Variants in NOS1 observed in about 807,000 individuals in gnomAD.
NOS1 encodes nitric oxide synthase 1.
A neutral mutation model predicts 164.5 loss-of-function variants in NOS1; 51 were observed. That is an observed-to-expected ratio of 0.31 (90% CI 0.25 to 0.39). The LOEUF (loss-of-function observed/expected upper bound fraction) is 0.39. Among genes scored for constraint, NOS1 ranks in the 10% least tolerant of loss-of-function variants. The pLI, the probability that NOS1 is intolerant of heterozygous loss-of-function variation, is 1.00. For missense variants in NOS1, 1,362 were observed against 1,885.6 expected (o/e 0.72, Z 5.14); for synonymous variants, 719 against 745.8 (o/e 0.96, Z 0.59).
intron 17 of NOS1, among the ~76,000 whole-genome samples, chr12:117,250,423 G>A (rs1871006463): frequency 6.6e-6 from 1 of 150,766 alleles, no homozygotes; most frequent in Non-Finnish European, 1.5e-5. Context: ...CTGCCTCCCA[G>A]GTTCAAGTAA....
intron 25 of NOS1, 139 bp from the exon 26 acceptor site, chr12:117,223,002 TATGC>T: frequency 1.1e-6 from 1 of 925,170 alleles, no homozygotes; most frequent in Non-Finnish European, 1.7e-6. Flanking sequence ...CAGGCAGATG[TATGC>T]GTGCACACAC....
In NOS1 at chr12:117,224,989, C is replaced by T. The variant is rs750151988; in HGVS notation, c.3826+27G>A. 2.2e-5 allele frequency: 36 copies of T among 1,613,890 alleles called. 1 individual carries two copies. In the South Asian group the frequency reaches 3.3e-4, roughly 15 times the overall value. ...ACCTCCCCAGGTCCGGGGGTGGGAA[C>T]CAAGTGGCCACTGGACTGTAACCCA... On this transcript the variant is annotated intron_variant, in intron 25 of 28. Coordinates refer to ENST00000317775, the MANE Select transcript of NOS1 (RefSeq NM_000620.5).
At chr12:117,308,771 A>G (rs1874283505) in intron 3 of NOS1, among the ~76,000 whole-genome samples, 1 of 151,678 alleles carries the variant, frequency 6.6e-6, no homozygotes, top group South Asian at 2.1e-4. Flanking sequence ...TAATTTTTGT[A>G]TTTTTAGTAG....
chr12:117,286,340 T>C, intron 5 of NOS1, 74 bp from the exon 6 acceptor site: 1 of 1,515,950 alleles, frequency 6.6e-7, no homozygotes, highest in Middle Eastern at 1.8e-4. Flanking sequence ...GGGAGAGCTA[T>C]TCCAAGAGGC....
chr12:117,286,230 C>T lies in NOS1; in HGVS notation c.1164G>A (p.Glu388=), dbSNP rs1450348004. 12 of 1,614,064 alleles carry T rather than the reference C, an allele frequency of 7.4e-6. No homozygotes were observed. Among genetic ancestry groups the T allele is most frequent in the African/African-American group, 1.3e-5 (1 of 74,926 alleles). The change falls in exon 6 of 29, where the codon GAG becomes GAA. Residue 388 remains glutamate, a synonymous_variant. Coordinates refer to ENST00000317775, the MANE Select transcript of NOS1 (RefSeq NM_000620.5). The part of the protein sequence containing the change: ...GSKAHMERLE[E]VNKEIDTTST... ...TAGTGGTGTCGATCTCTTTGTTCAC[C>T]TCTTCCAGCCTTTCCATGTGGGCTT...
intron 1 of NOS1, among the ~76,000 whole-genome samples, chr12:117,336,442 G>T (rs1200133875): frequency 1.3e-5 from 2 of 152,196 alleles, no homozygotes; most frequent in Non-Finnish European, 2.9e-5. Context: ...GTCCAATATG[G>T]CAGCCGCTTG....
intron 16 of NOS1, among the ~76,000 whole-genome samples, chr12:117,256,284 G>GTTGTGTTTTTTTTTTTTTT (rs549611283): frequency 1.0e-4 from 12 of 118,448 alleles, no homozygotes; most frequent in African/African-American, 3.8e-4. Context: ...GGGATTTTCT[G>GTTGTGTTTTTTTTTTTTTT]TTTTTTTTTT....
intron 3 of NOS1, among the ~76,000 whole-genome samples, chr12:117,303,618 G>A (rs952435487): frequency 1.4e-4 from 22 of 152,144 alleles, no homozygotes; most frequent in African/African-American, 9.7e-5. Flanking sequence ...GTCCCCACTC[G>A]AACCTCGTAC....
chr12:117,288,678 C>T (rs544872827), intron 4 of NOS1, among the ~76,000 whole-genome samples: 91 of 152,250 alleles, frequency 6.0e-4, no homozygotes, highest in African/African-American at 2.2e-3. Flanking sequence ...GGAACCTATC[C>T]CTTAACCCCT....
At chr12:117,296,006 T>C (rs911533170) in intron 3 of NOS1, among the ~76,000 whole-genome samples, 7 of 152,074 alleles carry the variant, frequency 4.6e-5, no homozygotes, top group African/African-American at 1.2e-4. Flanking sequence ...GTTTTCCCCA[T>C]AGCACTTAAC....
intron 3 of NOS1, among the ~76,000 whole-genome samples, chr12:117,293,648 A>G (rs1873207330): frequency 6.6e-6 from 1 of 151,578 alleles, no homozygotes; most frequent in South Asian, 2.1e-4. Context: ...TACTTGTATT[A>G]CTTGTATATT....
chr12:117,271,116 G>A (rs969285603), intron 10 of NOS1, among the ~76,000 whole-genome samples: 4 of 152,036 alleles, frequency 2.6e-5, no homozygotes, highest in Non-Finnish European at 4.4e-5. Flanking sequence ...AGAATCTCCT[G>A]GGGAACTTTG....
chr12:117,332,462 C>T (rs945954805), intron 1 of NOS1, among the ~76,000 whole-genome samples: 3 of 152,102 alleles, frequency 2.0e-5, no homozygotes, highest in African/African-American at 7.2e-5. Context: ...TATGGTGGCT[C>T]ACACCTGTAA....
intron 20 of NOS1, among the ~76,000 whole-genome samples, chr12:117,239,252 A>G (rs1869972933): frequency 6.6e-6 from 1 of 152,224 alleles, no homozygotes; most frequent in Non-Finnish European, 1.5e-5. Flanking sequence ...ATTCTCCCAG[A>G]CATCCCGGTG....
At position 117,356,499 on chromosome 12, in the gene NOS1, G is replaced by A. The variant is rs546273395; in HGVS notation, c.-421+5013C>T. 1.3e-5 allele frequency among the ~76,000 whole-genome samples: 2 copies of A among 152,328 alleles called. No individual in the cohort carries two copies. The highest frequency in any genetic ancestry group is 4.1e-4 in the South Asian group (2 of 4,830). On this transcript the variant is annotated intron_variant, in intron 1 of 28. Coordinates refer to ENST00000317775, the MANE Select transcript of NOS1 (RefSeq NM_000620.5). The surrounding 1 kb of genome is among the most constrained non-coding windows in gnomAD (Gnocchi z 4.2). ...TTGCAGAAACTTCACGCCAGGTACA[G>A]GGTTTGTCTGGTGCTCACCGCTTAG...
At chr12:117,254,943 T>G (rs1290195026) in intron 16 of NOS1, among the ~76,000 whole-genome samples, 1 of 152,208 alleles carries the variant, frequency 6.6e-6, no homozygotes, top group African/African-American at 2.4e-5. Context: ...ATGAACAATG[T>G]TCAGCACTGA....
intron 5 of NOS1, 53 bp from the exon 6 acceptor site, chr12:117,286,319 G>T: frequency 1.3e-6 from 2 of 1,588,638 alleles, no homozygotes; most frequent in Non-Finnish European, 1.7e-6. Flanking sequence ...TGAATTAGAA[G>T]TTAGTGGAAG....
intron 1 of NOS1, among the ~76,000 whole-genome samples, chr12:117,343,261 AGAGG>A (rs1296714137): frequency 4.0e-5 from 6 of 150,122 alleles, no homozygotes; most frequent in African/African-American, 2.5e-5. Context: ...AGGAAGGAAG[AGAGG>A]GAGGGAGGGA....
chr12:117,345,487 G>T (rs1876307320), intron 1 of NOS1, among the ~76,000 whole-genome samples: 1 of 152,196 alleles, frequency 6.6e-6, no homozygotes, highest in Non-Finnish European at 1.5e-5. Context: ...CAAGTGAGAT[G>T]AGGGGACAAG....
Sources: allele counts gnomAD v4.1 joint callset (sites outside exome capture counted in the v4.1 genomes callset), GRCh38; gene constraint gnomAD v4.1.1; non-coding constraint Gnocchi (gnomAD v3.1); transcripts MANE v1.5; gene names NCBI Gene and HGNC (gene_info 2026-07-23, HGNC 2026-07-21).